The following NTN1 variants were observed in gnomAD, a reference collection of about 807,000 sequenced individuals.
NTN1 encodes the protein netrin-1.
NTN1 carries 11 observed loss-of-function variants against 54.2 expected under a neutral mutation model. That is an observed-to-expected ratio of 0.20 (90% CI 0.13 to 0.34). The LOEUF is 0.34. Among genes scored for constraint, NTN1 ranks in the 10% least tolerant of loss-of-function variants. NTN1 has a pLI of 1.00. For missense variants in NTN1, 740 were observed against 893.1 expected (o/e 0.83, Z 2.18); for synonymous variants, 371 against 382.0 (o/e 0.97, Z 0.33).
chr17:9,164,270 G>A (rs2092367487), intron 3 of NTN1, among the ~76,000 whole-genome samples: 1 of 152,068 alleles, frequency 6.6e-6, no homozygotes, highest in South Asian at 2.1e-4. Flanking sequence ...ACTAAAAATA[G>A]CAAAATTAAC....
At position 9,043,493 on chromosome 17, in the gene NTN1, C is replaced by T. The variant is rs373962297; in HGVS notation, c.1018+20102C>T. 4.6e-5 allele frequency among the ~76,000 whole-genome samples: 7 copies of T among 152,058 alleles called. No individual in the cohort carries two copies. The East Asian group carries it at 9.6e-4, about 21-fold the overall frequency. Reference sequence around the variant, plus strand: ...AAAAAGGATCTGTCAGTTTTCAAAGCGGGTTCTTTTATCCACTATTCCAGA... The same window carrying T: ...AAAAAGGATCTGTCAGTTTTCAAAGTGGGTTCTTTTATCCACTATTCCAGA... On this transcript the variant is annotated intron_variant, in intron 2 of 6. Coordinates refer to ENST00000173229, the MANE Select transcript of NTN1 (RefSeq NM_004822.3).
intron 2 of NTN1, among the ~76,000 whole-genome samples, chr17:9,116,697 C>T (rs916819656): frequency 4.6e-5 from 7 of 152,154 alleles, no homozygotes; most frequent in Non-Finnish European, 1.0e-4. Flanking sequence ...CTTCCAATTG[C>T]CTCTCAGTAC....
At chr17:9,170,297 G>A (rs533227211) in intron 3 of NTN1, among the ~76,000 whole-genome samples, 2 of 152,358 alleles carry the variant, frequency 1.3e-5, no homozygotes, top group South Asian at 2.1e-4. Context: ...TGCGTTCCAT[G>A]TATGGCAGCT....
intron 2 of NTN1, among the ~76,000 whole-genome samples, chr17:9,149,881 A>C (rs1290195228): frequency 6.6e-6 from 1 of 152,112 alleles, no homozygotes; most frequent in African/African-American, 2.4e-5. Context: ...AGCCTGACCA[A>C]CATGGTGAAA....
In NTN1 at chr17:9,212,267, A is replaced by G. The variant is rs893574796; in HGVS notation, c.1412-8901A>G. Among the ~76,000 whole-genome samples the G allele has an allele frequency of 6.6e-6, 1 of 152,106 alleles. No homozygotes were observed. The highest frequency in any genetic ancestry group is 6.5e-5 in the Admixed American group (1 of 15,274). On this transcript the variant is annotated intron_variant, in intron 5 of 6. Transcript: ENST00000173229. This position sits in a 1 kb window ranked among gnomAD's most constrained non-coding sequence, Gnocchi z 5.5. Reference sequence around the variant, plus strand: ...GTCTTACCTGGGGCAGGGTGGGGCAAGTCACGAAGTCACCTGCAGCCTAGG... The same window carrying G: ...GTCTTACCTGGGGCAGGGTGGGGCAGGTCACGAAGTCACCTGCAGCCTAGG...
At chr17:9,066,434 C>T (rs1378815999) in intron 2 of NTN1, among the ~76,000 whole-genome samples, 1 of 151,566 alleles carries the variant, frequency 6.6e-6, no homozygotes, top group Non-Finnish European at 1.5e-5. Flanking sequence ...TGAGACCAGC[C>T]TGGCCAATAT....
chr17:9,162,003 G>T (rs2092358316), intron 2 of NTN1, among the ~76,000 whole-genome samples: 1 of 110,230 alleles, frequency 9.1e-6, no homozygotes, highest in Non-Finnish European at 2.1e-5. Context: ...GAGACAGATG[G>T]GGAGGGTGTG....
At position 9,145,769 on chromosome 17, in the gene NTN1, T is replaced by C. The variant is rs2092311416; in HGVS notation, c.1019-17044T>C. 2.6e-5 allele frequency among the ~76,000 whole-genome samples: 4 copies of C among 151,850 alleles called. No individual in the cohort carries two copies. In the South Asian group the frequency reaches 8.3e-4, roughly 32 times the overall value. ...CTGTCTCTACTGAAAATACAAAAAATTAGCCGGGCGTGGTGGCAGGCACCT... is the reference window on the plus strand; with the variant it reads ...CTGTCTCTACTGAAAATACAAAAAACTAGCCGGGCGTGGTGGCAGGCACCT... On this transcript the variant is annotated intron_variant, in intron 2 of 6. Coordinates refer to ENST00000173229, the MANE Select transcript of NTN1 (RefSeq NM_004822.3).
intron 2 of NTN1, among the ~76,000 whole-genome samples, chr17:9,029,191 G>A (rs549780913): frequency 1.3e-5 from 2 of 152,228 alleles, no homozygotes; most frequent in South Asian, 4.2e-4. Flanking sequence ...TGGTTGGGGG[G>A]TTGCGTCCTG....
intron 3 of NTN1, chr17:9,175,888 C>T (rs960346092): frequency 1.4e-4 from 21 of 152,206 alleles, no homozygotes; most frequent in African/African-American, 4.8e-4. Context: ...TGATTGTTTC[C>T]CATGGCCAGG....
chr17:9,026,592 A>G (rs2091871909), intron 2 of NTN1, among the ~76,000 whole-genome samples: 1 of 151,962 alleles, frequency 6.6e-6, no homozygotes, highest in African/African-American at 2.4e-5. Flanking sequence ...CTGTGTGTAC[A>G]TTCAAGGCAA....
chr17:9,203,011 T>C (rs1304914081), intron 5 of NTN1, among the ~76,000 whole-genome samples: 1 of 152,212 alleles, frequency 6.6e-6, no homozygotes, highest in African/African-American at 2.4e-5. Context: ...AAGCTCCGCC[T>C]TCCGGGTTCA....
At chr17:9,088,789 G>A (rs888967515) in intron 2 of NTN1, among the ~76,000 whole-genome samples, 10 of 152,168 alleles carry the variant, frequency 6.6e-5, no homozygotes, top group Non-Finnish European at 2.9e-5. Context: ...GGACCTCAGG[G>A]TTCAATCTGT....
At chr17:9,166,466 A>G (rs1300279745) in intron 3 of NTN1, among the ~76,000 whole-genome samples, 1 of 149,632 alleles carries the variant, frequency 6.7e-6, no homozygotes. Context: ...CTCAGCCTCC[A>G]GAGTAGCTGG....
chr17:9,030,974 A>G (rs2091886803), intron 2 of NTN1, among the ~76,000 whole-genome samples: 1 of 152,116 alleles, frequency 6.6e-6, no homozygotes, highest in Non-Finnish European at 1.5e-5. Flanking sequence ...AGCTCGCTGC[A>G]CACGTGGTCA....
chr17:9,119,701 T>C (rs2092226279), intron 2 of NTN1, among the ~76,000 whole-genome samples: 1 of 152,112 alleles, frequency 6.6e-6, no homozygotes, highest in African/African-American at 2.4e-5. Context: ...TCTCACTATA[T>C]TGCCCAGGCT....
rs187897759 is a variant in NTN1 at position 9,179,186 on chromosome 17, C to T, written c.1208-621C>T. 432 of 152,370 alleles carry T rather than the reference C, an allele frequency of 2.8e-3. 6 individuals are homozygous for T. The highest frequency in any genetic ancestry group is 1.6e-3 in the Non-Finnish European group (110 of 68,066). 9.4% of individuals were successfully genotyped at this position (152,370 alleles called of 1,614,324 possible). On this transcript the variant is annotated intron_variant, in intron 3 of 6. Transcript: ENST00000173229. Reference sequence around the variant, plus strand: ...ATCAGGGCTTTAAGCTAAATGATCACCGTGACCCTCTCTAGTGCTACAGTT... The same window carrying T: ...ATCAGGGCTTTAAGCTAAATGATCATCGTGACCCTCTCTAGTGCTACAGTT...
rs1008460283 is a variant in NTN1, at chr17:9,053,295, G to A, written c.1018+29904G>A. Among the ~76,000 whole-genome samples, 3 of 152,204 alleles carry A rather than the reference G, an allele frequency of 2.0e-5. No homozygotes were observed. In the South Asian group the frequency reaches 6.2e-4, roughly 32 times the overall value. On this transcript the variant is annotated intron_variant, in intron 2 of 6. Transcript: ENST00000173229. Reference sequence around the variant, plus strand: ...TCTCCTAAGCCTTTCCCCTAGACCCGCTCTCTTTCTTCCAACACTGGCGAA... The same window carrying A: ...TCTCCTAAGCCTTTCCCCTAGACCCACTCTCTTTCTTCCAACACTGGCGAA...
intron 2 of NTN1, among the ~76,000 whole-genome samples, chr17:9,094,246 A>G (rs2092122867): frequency 6.6e-6 from 1 of 152,178 alleles, no homozygotes; most frequent in Non-Finnish European, 1.5e-5. Flanking sequence ...AATGTACCAC[A>G]GATTCTGATG....
Sources: allele counts gnomAD v4.1 joint callset (sites outside exome capture counted in the v4.1 genomes callset), GRCh38; gene constraint gnomAD v4.1.1; non-coding constraint Gnocchi (gnomAD v3.1); transcripts MANE v1.5; gene names NCBI Gene and HGNC (gene_info 2026-07-23, HGNC 2026-07-21).